DCBLD1: variants seen among roughly 807,000 people sequenced by gnomAD.
The protein encoded by DCBLD1 is discoidin, CUB and LCCL domain containing 1.
Under a neutral mutation model 71.5 loss-of-function variants are expected in DCBLD1, and 57 were observed. The observed-to-expected ratio is 0.80, with a 90% CI of 0.64 to 0.99. DCBLD1 has a LOEUF of 0.99. Among genes scored for constraint, DCBLD1 ranks in the 50% least tolerant of loss-of-function variants. DCBLD1 has a pLI of 0.00. For missense variants in DCBLD1, 891 were observed against 923.5 expected (o/e 0.96, Z 0.46); for synonymous variants, 380 against 363.8 (o/e 1.04, Z -0.51).
At chr6:117,567,342 A>G (rs1242611528) in intron 14 of DCBLD1, among the ~76,000 whole-genome samples, 1 of 152,196 alleles carries the variant, frequency 6.6e-6, no homozygotes, top group African/African-American at 2.4e-5. Context: ...TTTTGGAACA[A>G]GTATTCAGTT....
Position 117,525,439 on chromosome 6 carries a change from G to A in DCBLD1, c.585+5G>A. 2 of 1,469,818 alleles carry A rather than the reference G, an allele frequency of 1.4e-6. No individual in the cohort carries two copies. The highest frequency in any genetic ancestry group is 1.8e-6 in the Non-Finnish European group (2 of 1,107,624). 91.0% of individuals were successfully genotyped at this position (1,469,818 alleles called of 1,614,324 possible). On this transcript the variant is annotated splice_donor_5th_base_variant and intron_variant, in intron 5 of 14. Coordinates refer to ENST00000338728, the MANE Select transcript of DCBLD1 (RefSeq NM_001366458.2). The stretch of plus-strand genomic sequence containing the variant: ...ATGGTAGATGGATATAGAGATGTAA[G>A]TAATTGAGGGTAATGGCAGAGAATG...
At position 117,482,681 on chromosome 6, in the gene DCBLD1, C is replaced by A; in HGVS notation, c.-101C>A. On this transcript the variant is annotated 5_prime_UTR_variant, in exon 1 of 15. Coordinates refer to ENST00000338728, the MANE Select transcript of DCBLD1 (RefSeq NM_001366458.2). ...GGGCAGCGACTGCGCCCCGTCCCGG[C>A]GCCGCGCTCGTCCGCAGAGGAGGCG... The A allele has an allele frequency of 9.3e-7, 1 of 1,080,588 alleles. No individual in the cohort carries two copies. Among genetic ancestry groups the A allele is most frequent in the Non-Finnish European group, 1.1e-6 (1 of 892,396 alleles). 66.9% of individuals were successfully genotyped at this position (1,080,588 alleles called of 1,614,324 possible). A position where few individuals can be genotyped will look rare whatever the true frequency, so the allele number is the denominator to read the frequency against.
chr6:117,547,690 A>T, intron 14 of DCBLD1: 1 of 943,888 alleles, frequency 1.1e-6, no homozygotes, highest in Non-Finnish European at 1.7e-6. Context: ...CTCTGAGAAG[A>T]CCCTGCGAAG....
intron 14 of DCBLD1, chr6:117,563,461 C>T: frequency 5.0e-6 from 7 of 1,408,146 alleles, no homozygotes; most frequent in Non-Finnish European, 6.9e-6. Context: ...GTGGCTCATA[C>T]CTGTAATCCC....
At chr6:117,562,312 G>A (rs2114596324) in intron 14 of DCBLD1, 1 of 203,450 alleles carries the variant, frequency 4.9e-6, no homozygotes, top group Admixed American at 6.0e-5. Context: ...ACTGCCGTTT[G>A]ATTTGAATGT....
chr6:117,538,406 T>C lies in DCBLD1; in HGVS notation c.761-214T>C, dbSNP rs547468315. Among the ~76,000 whole-genome samples, 7 of 152,304 alleles carry C rather than the reference T, an allele frequency of 4.6e-5. No homozygotes were observed. The South Asian group carries it at 1.4e-3, about 32-fold the overall frequency. ...ATAAAGGATGTGACTTGGAGGTCTA[T>C]TAAAAAGAAAAGCAATAACAGTTTC... On this transcript the variant is annotated intron_variant, in intron 7 of 14. Coordinates refer to ENST00000338728, the MANE Select transcript of DCBLD1 (RefSeq NM_001366458.2).
chr6:117,533,060 CAT>C (rs2114526003), intron 6 of DCBLD1, among the ~76,000 whole-genome samples: 1 of 152,232 alleles, frequency 6.6e-6, no homozygotes, highest in East Asian at 1.9e-4. Flanking sequence ...GACGTCCACA[CAT>C]ATAAACAGGC....
rs1010628523 is a variant in DCBLD1, at chr6:117,482,871, C to T, written c.90C>T (p.Leu30=). The stretch of plus-strand genomic sequence containing the variant: ...TGCTGCTCGCGGTCTCCGCCCCGCT[C>T]CGGCTGCAGGCGGAGGAGCTGGGTG... ...LALLLAVSAP[L]RLQAEELGDG... The change falls in exon 1 of 15, where the codon CTC becomes CTT. Residue 30 remains leucine (L), a synonymous_variant. Coordinates refer to ENST00000338728, the MANE Select transcript of DCBLD1 (RefSeq NM_001366458.2). The T allele has an allele frequency of 2.3e-5, 28 of 1,192,322 alleles. No homozygotes were observed. The highest frequency in any genetic ancestry group is 4.8e-5 in the African/African-American group (3 of 62,032). The allele number at this position is 1,192,322 out of a possible 1,614,324, so 73.9% of individuals were successfully genotyped here.
chr6:117,503,839 A>G lies in DCBLD1; in HGVS notation c.185A>G (p.Tyr62Cys), dbSNP rs1471476779. The change falls in exon 2 of 15, where the codon TAC (tyrosine) becomes TGC (cysteine). Residue 62 changes from tyrosine (Y) to cysteine (C), a missense_variant. Coordinates refer to ENST00000338728, the MANE Select transcript of DCBLD1 (RefSeq NM_001366458.2). ...TMTSKNYPGT[Y>C]PNHTVCEKTI... is the part of the protein sequence containing the mutation. Reference sequence around the variant, plus strand: ...ACATCTAAGAATTATCCCGGGACCTACCCCAATCACACTGTTTGCGAAAAG... The same window carrying G: ...ACATCTAAGAATTATCCCGGGACCTGCCCCAATCACACTGTTTGCGAAAAG... 1 of 1,613,984 alleles carries G rather than the reference A, an allele frequency of 6.2e-7. No homozygotes were observed.
downstream of DCBLD1, among the ~76,000 whole-genome samples, chr6:117,552,944 T>G (rs539405157): frequency 5.9e-5 from 9 of 152,322 alleles, 1 homozygote; most frequent in East Asian, 1.7e-3. Context: ...TCCTTCCCTA[T>G]CCATCATCGA....
chr6:117,509,509 A>G (rs1030132028), intron 2 of DCBLD1, among the ~76,000 whole-genome samples: 6 of 152,128 alleles, frequency 3.9e-5, no homozygotes, highest in African/African-American at 1.4e-4. Flanking sequence ...TATGACTTTA[A>G]AGGATGACAC....
chr6:117,567,933 G>C (rs375091381), intron 14 of DCBLD1, among the ~76,000 whole-genome samples: 2 of 149,392 alleles, frequency 1.3e-5, no homozygotes, highest in African/African-American at 4.9e-5. Context: ...GCTTACACCT[G>C]TAATCCCAGC....
At position 117,567,031 on chromosome 6, in the gene DCBLD1, C is replaced by T. The variant is rs1294150413; in HGVS notation, c.1616-2589C>T. ...TAAACTACTTCAAATTCAATCTCTC[C>T]TCTCTAAAACAGGAAATGAAAATGA... On this transcript the variant is annotated intron_variant, in intron 14 of 14. Coordinates refer to the DCBLD1 transcript ENST00000296955. 6.4e-7 allele frequency: 1 copy of T among 1,560,702 alleles called. No individual in the cohort carries two copies. Among genetic ancestry groups the T allele is most frequent in the African/African-American group, 1.4e-5 (1 of 72,156 alleles).
intron 5 of DCBLD1, among the ~76,000 whole-genome samples, chr6:117,532,010 G>A (rs1778738153): frequency 6.6e-6 from 1 of 152,160 alleles, no homozygotes; most frequent in African/African-American, 2.4e-5. Flanking sequence ...GGTTAACTGG[G>A]GCTCAAGAGT....
At position 117,548,039 on chromosome 6, in the gene DCBLD1, G is replaced by C. The variant is rs61747864; in HGVS notation, c.1748G>C (p.Arg583Pro). 567 of 1,549,248 alleles carry C rather than the reference G, an allele frequency of 3.7e-4. 2 individuals carry two copies. The highest frequency in any genetic ancestry group is 4.7e-4 in the Non-Finnish European group (541 of 1,146,322). ...DAGGHYDCPQ[R>P]AGRHEYALPL... ...GGCGGCCACTATGACTGCCCGCAGC[G>C]GGCCGGCCGCCACGAGTACGCGCTG... The change falls in exon 15 of 15, where the codon CGG (arginine) becomes CCG (proline). Residue 583 changes from arginine (R) to proline (P), a missense_variant. Physicochemically the swap from Arg to Pro is moderately radical, Grantham distance 103. Transcript: ENST00000338728.
At chr6:117,504,556 C>T (rs1777775729) in intron 2 of DCBLD1, among the ~76,000 whole-genome samples, 1 of 152,188 alleles carries the variant, frequency 6.6e-6, no homozygotes, top group Non-Finnish European at 1.5e-5. Flanking sequence ...AGTAAGTGGA[C>T]ATTTGAGCAG....
At chr6:117,482,919 G>A (rs1387398310) in intron 1 of DCBLD1, 26 bp downstream of exon 1, 10 of 1,177,290 alleles carry the variant, frequency 8.5e-6, no homozygotes, top group African/African-American at 3.3e-5. Flanking sequence ...CCGGCTGGCG[G>A]CGGGACCCGA....
intron 2 of DCBLD1, among the ~76,000 whole-genome samples, chr6:117,505,058 A>C (rs1407426816): frequency 3.9e-5 from 6 of 152,182 alleles, no homozygotes; most frequent in Admixed American, 3.9e-4. Flanking sequence ...CTCCCATGGG[A>C]TAAAAAGATC....
At chr6:117,498,959 CACTT>C (rs1198404573) in intron 1 of DCBLD1, among the ~76,000 whole-genome samples, 1 of 152,134 alleles carries the variant, frequency 6.6e-6, no homozygotes, top group Non-Finnish European at 1.5e-5. Context: ...AAGCAAGTCT[CACTT>C]AATTGCTATG....
Sources: gnomAD v4.1 joint callset for allele counts (sites outside exome capture counted in the v4.1 genomes callset) on GRCh38, gnomAD v4.1.1 for gene constraint, MANE v1.5 for transcripts, NCBI Gene and HGNC (gene_info 2026-07-23, HGNC 2026-07-21) for gene names.